Variants in CNBD1 observed in about 807,000 individuals in gnomAD.
CNBD1 encodes the protein cyclic nucleotide binding domain containing 1, also known as cyclic nucleotide-binding domain-containing protein 1.
Under a neutral mutation model 54.4 loss-of-function variants are expected in CNBD1, and 71 were observed. The observed-to-expected ratio is 1.30, with a 90% CI of 1.08 to 1.59. The LOEUF is 1.59. Ranked by LOEUF, CNBD1 falls within the 40% of genes most tolerant of loss-of-function variation. The pLI is 0.00. For missense variants in CNBD1, 659 were observed against 518.0 expected, an observed-to-expected ratio of 1.27 and a Z score of -2.64; for synonymous variants, 182 against 170.7, an observed-to-expected ratio of 1.07 and a Z score of -0.51.
At chr8:87,079,962 G>T (rs935086517) in intron 4 of CNBD1, among the ~76,000 whole-genome samples, 2 of 151,978 alleles carry the variant, frequency 1.3e-5, no homozygotes, top group African/African-American at 4.8e-5. Flanking sequence ...TTAGATTTCT[G>T]TTCCATTTTG....
At position 86,897,666 on chromosome 8, in the gene CNBD1, GT is replaced by G. The variant is rs564707172; in HGVS notation, c.159-7408del. ...GATAAAGAGAAAGCAAAAATATAAT[GT>G]TTTTTTCCTCTTCTGATTTCTAGTC... On this transcript the variant is annotated intron_variant, in intron 2 of 10. Transcript: ENST00000518476. Among the ~76,000 whole-genome samples, 123 of 152,242 alleles carry G rather than the reference GT, an allele frequency of 8.1e-4. 3 individuals carry two copies. The highest frequency in any genetic ancestry group is 1.5e-3 in the Admixed American group (23 of 15,288).
intron 4 of CNBD1, among the ~76,000 whole-genome samples, chr8:87,153,996 T>C (rs1586293841): frequency 6.6e-6 from 1 of 152,086 alleles, no homozygotes; most frequent in Admixed American, 6.6e-5. Context: ...ATGGCTAGAA[T>C]ATGGCAAGTG....
At position 86,913,265 on chromosome 8, in the gene CNBD1, G is replaced by A. The variant is rs1809131657; in HGVS notation, c.272+8071G>A. Among the ~76,000 whole-genome samples the A allele has an allele frequency of 3.3e-5, 5 of 152,090 alleles. 1 individual carries two copies. In the South Asian group the frequency reaches 1.0e-3, roughly 32 times the overall value. On this transcript the variant is annotated intron_variant, in intron 3 of 10. Coordinates refer to ENST00000518476, the MANE Select transcript of CNBD1 (RefSeq NM_173538.3). ...CTCACCCAGAGCAACTTCCACTACT[G>A]CAGGCTCCATTTAAGGGAAGTGCCC...
At chr8:87,108,957 G>A (rs888264254) in intron 4 of CNBD1, among the ~76,000 whole-genome samples, 8 of 152,064 alleles carry the variant, frequency 5.3e-5, no homozygotes, top group Non-Finnish European at 7.4e-5. Flanking sequence ...TTTGGTAAAA[G>A]TTATTTATAC....
chr8:87,397,825 G>T (rs1351415286), intron 2 of CNBD1, among the ~76,000 whole-genome samples: 2 of 151,970 alleles, frequency 1.3e-5, no homozygotes, highest in East Asian at 1.9e-4. Flanking sequence ...AATCATGGGG[G>T]CAGGTCTTTC....
chr8:87,210,512 G>A (rs1346821589), intron 5 of CNBD1, among the ~76,000 whole-genome samples: 1 of 152,178 alleles, frequency 6.6e-6, no homozygotes, highest in Non-Finnish European at 1.5e-5. Context: ...TGAAACAATG[G>A]TTTTGTGGGC....
rs200128157 is a variant in CNBD1 at position 87,333,828 on chromosome 8, C to CT, written c.1043-17849dup. ...ATCAGGGATATTGGCCTGAAGTTTT[C>CT]TTTTTTTTGTTGTGTTCCTGCCAGG... On this transcript the variant is annotated intron_variant, in intron 8 of 10. Transcript: ENST00000518476. Among the ~76,000 whole-genome samples the CT allele has an allele frequency of 7.7e-3, 1,171 of 151,972 alleles. 15 individuals are homozygous for CT. The highest frequency in any genetic ancestry group is 0.026 in the African/African-American group (1,098 of 41,464).
intron 4 of CNBD1, among the ~76,000 whole-genome samples, chr8:87,137,322 G>T (rs1057381703): frequency 1.2e-4 from 18 of 149,942 alleles, no homozygotes; most frequent in African/African-American, 4.2e-4. Context: ...TCAGCCTCCC[G>T]AGTAGCTGGG....
intron 10 of CNBD1, among the ~76,000 whole-genome samples, chr8:87,378,112 A>G (rs1212280416): frequency 2.1e-5 from 3 of 143,076 alleles, no homozygotes; most frequent in Non-Finnish European, 4.6e-5. Context: ...TTGCCTGTTC[A>G]CTCTGATGGT....
intron 2 of CNBD1, among the ~76,000 whole-genome samples, chr8:87,413,675 GA>G (rs1207554212): frequency 6.6e-6 from 1 of 151,676 alleles, no homozygotes; most frequent in Non-Finnish European, 1.5e-5. Flanking sequence ...AAATTTACAA[GA>G]AAAAAACAAG....
intron 4 of CNBD1, among the ~76,000 whole-genome samples, chr8:86,998,417 A>G (rs1018165560): frequency 1.3e-5 from 2 of 152,134 alleles, no homozygotes; most frequent in Non-Finnish European, 2.9e-5. Context: ...CAAAAAGCAC[A>G]AAAAATGCAA....
At chr8:87,395,784 A>G (rs563201747) in intron 2 of CNBD1, among the ~76,000 whole-genome samples, 1 of 151,992 alleles carries the variant, frequency 6.6e-6, no homozygotes, top group South Asian at 2.1e-4. Context: ...CCCACGTATC[A>G]TGGGAGGGAC....
chr8:87,250,061 T>G (rs1807882559), intron 6 of CNBD1, among the ~76,000 whole-genome samples: 3 of 152,140 alleles, frequency 2.0e-5, no homozygotes. Flanking sequence ...AGAAAATATT[T>G]GCAAACCACC....
intron 10 of CNBD1, among the ~76,000 whole-genome samples, chr8:87,375,664 G>A (rs1212471124): frequency 6.6e-6 from 1 of 151,824 alleles, no homozygotes; most frequent in African/African-American, 2.4e-5. Context: ...AGAAATGAAT[G>A]AAATTCATTA....
intron 4 of CNBD1, among the ~76,000 whole-genome samples, chr8:86,940,200 G>T (rs1459062741): frequency 7.7e-6 from 1 of 129,162 alleles, no homozygotes; most frequent in African/African-American, 2.9e-5. Context: ...GCACAGTTTC[G>T]GCTCACTGCA....
At chr8:87,007,354 A>C (rs1200382832) in intron 4 of CNBD1, among the ~76,000 whole-genome samples, 1 of 152,152 alleles carries the variant, frequency 6.6e-6, no homozygotes, top group Non-Finnish European at 1.5e-5. Context: ...AGTACTTAAA[A>C]AATCCATAAG....
chr8:87,070,357 T>C (rs1810735475), intron 4 of CNBD1, among the ~76,000 whole-genome samples: 2 of 152,198 alleles, frequency 1.3e-5, no homozygotes, highest in South Asian at 4.1e-4. Context: ...CCTTTGGAAT[T>C]GTTGAAGGAA....
chr8:86,871,514 T>C (rs1808443491), intron 1 of CNBD1, among the ~76,000 whole-genome samples: 1 of 152,236 alleles, frequency 6.6e-6, no homozygotes, highest in Non-Finnish European at 1.5e-5. Context: ...TTACAATCTA[T>C]TTTCCACAAT....
intron 10 of CNBD1, among the ~76,000 whole-genome samples, chr8:87,372,197 GACAA>G (rs4044201): frequency 0.019 from 2,857 of 151,986 alleles, 90 homozygotes; most frequent in African/African-American, 0.062. Flanking sequence ...ACCAATAACA[GACAA>G]ACAGAGAGCC....
Sources: allele counts gnomAD v4.1 joint callset (sites outside exome capture counted in the v4.1 genomes callset), GRCh38; gene constraint gnomAD v4.1.1; transcripts MANE v1.5; gene names NCBI Gene and HGNC (gene_info 2026-07-23, HGNC 2026-07-21).